The following PTPRM variants were observed in gnomAD, a reference collection of about 807,000 sequenced individuals.
The protein encoded by PTPRM is protein tyrosine phosphatase receptor type M.
Under a neutral mutation model 186.7 loss-of-function variants are expected in PTPRM, and 47 were observed. The ratio of observed to expected loss-of-function variants is 0.25; its 90% confidence interval spans 0.20 to 0.32. The LOEUF is 0.32. Ranked by LOEUF, PTPRM falls within the 10% of genes least tolerant of loss-of-function variation. The probability of loss-of-function intolerance (pLI) is 1.00; values close to 1 mark genes in which losing one functional copy is unlikely to be tolerated. For missense variants in PTPRM, 1,494 were observed against 1,865.0 expected, an observed-to-expected ratio of 0.80 and a Z score of 3.66; for synonymous variants, 668 against 674.9, an observed-to-expected ratio of 0.99 and a Z score of 0.16.
At chr18:8,138,460 G>A (rs2146040900) in intron 13 of PTPRM, among the ~76,000 whole-genome samples, 1 of 152,094 alleles carries the variant, frequency 6.6e-6, no homozygotes, top group East Asian at 1.9e-4. Flanking sequence ...GCCCAGCCTG[G>A]GACATCCCTC....
intron 1 of PTPRM, among the ~76,000 whole-genome samples, chr18:7,735,016 A>G (rs1260753345): frequency 6.6e-6 from 1 of 152,202 alleles, no homozygotes; most frequent in African/African-American, 2.4e-5. Flanking sequence ...GATTCCAAAG[A>G]AACCTGAAAA....
intron 20 of PTPRM, among the ~76,000 whole-genome samples, chr18:8,297,650 T>TA (rs1386707682): frequency 3.3e-5 from 5 of 152,198 alleles, no homozygotes; most frequent in African/African-American, 1.2e-4. Flanking sequence ...ATTTTTAATT[T>TA]AAACAGCCCA....
intron 21 of PTPRM, among the ~76,000 whole-genome samples, chr18:8,317,087 G>A (rs79957113): frequency 0.054 from 8,241 of 152,176 alleles, 290 homozygotes; most frequent in East Asian, 0.094. Context: ...ATGGGCAGTC[G>A]TTAGAGGTAT....
At chr18:7,805,630 G>A (rs893643558) in intron 2 of PTPRM, among the ~76,000 whole-genome samples, 2 of 152,146 alleles carry the variant, frequency 1.3e-5, no homozygotes, top group African/African-American at 4.8e-5. Context: ...CTTGTTCTGT[G>A]TGCAGCTGTC....
chr18:8,248,489 A>G, intron 17 of PTPRM: 1 of 453,232 alleles, frequency 2.2e-6, no homozygotes, highest in Admixed American at 3.5e-5. Context: ...GGGGAAAAAA[A>G]CAAGGTGTCA....
intron 1 of PTPRM, among the ~76,000 whole-genome samples, chr18:7,674,736 A>G (rs1416253876): frequency 2.6e-5 from 4 of 152,256 alleles, no homozygotes; most frequent in South Asian, 2.1e-4. Context: ...TATTTTGCCC[A>G]TAACATAGAG....
chr18:7,679,492 C>T (rs2039428644), intron 1 of PTPRM, among the ~76,000 whole-genome samples: 1 of 151,848 alleles, frequency 6.6e-6, no homozygotes, highest in Non-Finnish European at 1.5e-5. Context: ...TGGTAAAACC[C>T]CGTCTTTACT....
intron 1 of PTPRM, among the ~76,000 whole-genome samples, chr18:7,663,742 T>C (rs1396272605): frequency 2.0e-5 from 3 of 152,226 alleles, no homozygotes; most frequent in African/African-American, 7.2e-5. Flanking sequence ...TCTTGTGGTC[T>C]GTTTCTGGAC....
chr18:7,873,549 A>G (rs1036946276), intron 2 of PTPRM, among the ~76,000 whole-genome samples: 5 of 152,236 alleles, frequency 3.3e-5, no homozygotes, highest in Admixed American at 1.3e-4. Context: ...TGGCTGGCAC[A>G]TAGCTAGCAC....
At chr18:7,952,956 C>T (rs12966777) in intron 6 of PTPRM, among the ~76,000 whole-genome samples, 21,503 of 152,068 alleles carry the variant, frequency 0.14, 1,792 homozygotes, top group Non-Finnish European at 0.19. Context: ...CAGTGAGCCA[C>T]GATGGTGCCA....
chr18:8,004,716 T>C (rs1275230768), intron 7 of PTPRM, among the ~76,000 whole-genome samples: 2 of 152,078 alleles, frequency 1.3e-5, no homozygotes, highest in Admixed American at 1.3e-4. Flanking sequence ...TGCACCAACC[T>C]AGTAATTGCT....
intron 1 of PTPRM, among the ~76,000 whole-genome samples, chr18:7,589,558 C>T (rs2037069591): frequency 6.6e-6 from 1 of 152,126 alleles, no homozygotes; most frequent in Admixed American, 6.5e-5. Flanking sequence ...CTGCAACTCC[C>T]CCCCACCACC....
intron 1 of PTPRM, among the ~76,000 whole-genome samples, chr18:7,752,144 T>C (rs1598508082): frequency 6.6e-6 from 1 of 152,234 alleles, no homozygotes; most frequent in Non-Finnish European, 1.5e-5. Flanking sequence ...ACAGAATTAA[T>C]TAAATGTTTT....
chr18:8,248,819 A>G (rs1431931924), intron 17 of PTPRM, among the ~76,000 whole-genome samples: 1 of 152,200 alleles, frequency 6.6e-6, no homozygotes, highest in Non-Finnish European at 1.5e-5. Context: ...CATATGCTTT[A>G]TTATGTGTCA....
intron 8 of PTPRM, among the ~76,000 whole-genome samples, chr18:8,070,827 G>A (rs1213957897): frequency 3.9e-5 from 6 of 152,144 alleles, no homozygotes; most frequent in Admixed American, 2.6e-4. Flanking sequence ...ACCATTAAAC[G>A]AATGAACTGA....
At chr18:7,987,527 C>A (rs866645883) in intron 7 of PTPRM, among the ~76,000 whole-genome samples, 2 of 152,058 alleles carry the variant, frequency 1.3e-5, no homozygotes, top group Non-Finnish European at 2.9e-5. Context: ...CCATGATCTG[C>A]GGTGAGTGGA....
At chr18:7,665,031 T>C (rs1188860356) in intron 1 of PTPRM, among the ~76,000 whole-genome samples, 2 of 152,168 alleles carry the variant, frequency 1.3e-5, no homozygotes, top group Admixed American at 1.3e-4. Flanking sequence ...CTGGTGTCCA[T>C]GGAAGAGAAG....
chr18:7,942,644 G>T (rs140972825), intron 5 of PTPRM, among the ~76,000 whole-genome samples: 8 of 151,938 alleles, frequency 5.3e-5, no homozygotes, highest in South Asian at 4.2e-4. Flanking sequence ...CCTGCTTGGT[G>T]GGGGGGCGGG....
chr18:7,874,959 G>A (rs148778805), intron 2 of PTPRM, among the ~76,000 whole-genome samples: 472 of 152,268 alleles, frequency 3.1e-3, no homozygotes, highest in Middle Eastern at 0.01. Flanking sequence ...TTGGGAGTCC[G>A]CGGCGGGCGG....
Sources: gnomAD v4.1 joint callset for allele counts (sites outside exome capture counted in the v4.1 genomes callset) on GRCh38, gnomAD v4.1.1 for gene constraint, MANE v1.5 for transcripts, NCBI Gene and HGNC (gene_info 2026-07-23, HGNC 2026-07-21) for gene names.